Variants in TFB1M observed in about 807,000 individuals in gnomAD.
TFB1M encodes dimethyladenosine transferase 1, mitochondrial.
Under a neutral mutation model 31.1 loss-of-function variants are expected in TFB1M, and 27 were observed. The observed-to-expected ratio is 0.87, with a 90% CI of 0.64 to 1.20. TFB1M has a LOEUF of 1.20. TFB1M is among the 50% of genes most tolerant of loss of function. The probability of loss-of-function intolerance (pLI) is 0.00; values close to 1 mark genes in which losing one functional copy is unlikely to be tolerated. For missense variants in TFB1M, 394 were observed against 418.7 expected, an observed-to-expected ratio of 0.94 and a Z score of 0.51; for synonymous variants, 166 against 151.8, an observed-to-expected ratio of 1.09 and a Z score of -0.69.
At chr6:155,301,853 T>G (rs1562421783) in intron 2 of TFB1M, among the ~76,000 whole-genome samples, 1 of 152,248 alleles carries the variant, frequency 6.6e-6, no homozygotes, top group Non-Finnish European at 1.5e-5. Context: ...ATTTTTGCTT[T>G]TCAATAGTAG....
intron 5 of TFB1M, among the ~76,000 whole-genome samples, chr6:155,269,324 CTT>C (rs60162262): frequency 5.5e-5 from 7 of 127,250 alleles, no homozygotes; most frequent in Non-Finnish European, 6.4e-5. Flanking sequence ...CTTTTCTTTT[CTT>C]TTTTTTTTTT....
At chr6:155,307,114 G>A (rs2114808704) in intron 2 of TFB1M, among the ~76,000 whole-genome samples, 1 of 148,442 alleles carries the variant, frequency 6.7e-6, no homozygotes, top group Non-Finnish European at 1.5e-5. Context: ...GGGTGACAGA[G>A]TGAGACCATG....
chr6:155,304,165 C>A (rs1777559864), intron 2 of TFB1M, among the ~76,000 whole-genome samples: 1 of 152,100 alleles, frequency 6.6e-6, no homozygotes, highest in Non-Finnish European at 1.5e-5. Flanking sequence ...GCCTGTAATT[C>A]CAGCTACTCG....
At chr6:155,254,820 T>C, downstream of TFB1M, 1 of 460,640 alleles carries the variant, frequency 2.2e-6, no homozygotes, top group Non-Finnish European at 4.0e-6. Flanking sequence ...TTTTGTTTCT[T>C]CCACTAAGAT....
intron 4 of TFB1M, among the ~76,000 whole-genome samples, chr6:155,290,324 T>G (rs1173392024): frequency 1.4e-5 from 2 of 142,358 alleles, no homozygotes; most frequent in African/African-American, 2.6e-5. Context: ...AGGCGGGGCT[T>G]GCAGCGAGCC....
At chr6:155,248,134 G>A in the TFB1M span, 2 of 1,614,046 alleles carry the variant, frequency 1.2e-6, no homozygotes, top group African/African-American at 1.3e-5. Flanking sequence ...CAAGGAGCTG[G>A]TGTCCCTGAC....
At chr6:155,250,457 G>T in the TFB1M span, 1 of 1,176,252 alleles carries the variant, frequency 8.5e-7, no homozygotes, top group South Asian at 1.4e-5. Flanking sequence ...CATAGTTTAG[G>T]GAGAAAATGG....
At chr6:155,258,610 T>C (rs1473883689) in intron 6 of TFB1M, among the ~76,000 whole-genome samples, 1 of 152,220 alleles carries the variant, frequency 6.6e-6, no homozygotes, top group Non-Finnish European at 1.5e-5. Context: ...AAAACTGATT[T>C]GAAGTAGAGG....
At chr6:155,277,492 A>G (rs1407163740) in intron 5 of TFB1M, among the ~76,000 whole-genome samples, 1 of 151,590 alleles carries the variant, frequency 6.6e-6, no homozygotes, top group Non-Finnish European at 1.5e-5. Flanking sequence ...GGTAAAGGGG[A>G]AAAAAGATTA....
chr6:155,314,232 C>A (rs1247231564), intron 1 of TFB1M, 64 bp downstream of exon 1: 3 of 1,591,410 alleles, frequency 1.9e-6, no homozygotes, highest in East Asian at 2.3e-5. Context: ...ACGTGCAAGA[C>A]CCCCCGGCCC....
At chr6:155,254,279 G>A, downstream of TFB1M, 5 of 1,134,108 alleles carry the variant, frequency 4.4e-6, no homozygotes, top group Non-Finnish European at 6.3e-6. Context: ...CTGTACGGGA[G>A]GCCACATGGC....
the TFB1M span, among the ~76,000 whole-genome samples, chr6:155,231,662 C>T: frequency 1.3e-5 from 2 of 152,220 alleles, no homozygotes; most frequent in African/African-American, 4.8e-5. Context: ...AGAGTTCAGC[C>T]CTGAAATCCT....
intron 4 of TFB1M, among the ~76,000 whole-genome samples, chr6:155,290,975 C>G (rs186806097): frequency 1.8e-3 from 273 of 152,280 alleles, no homozygotes; most frequent in African/African-American, 6.1e-3. Flanking sequence ...CAAGATGGGG[C>G]TGGTCACTGA....
At chr6:155,289,253 A>G (rs1173962758) in intron 4 of TFB1M, among the ~76,000 whole-genome samples, 1 of 125,728 alleles carries the variant, frequency 8.0e-6, no homozygotes, top group Non-Finnish European at 1.9e-5. Context: ...ATGGTGGGAG[A>G]AAAAGAGGCT....
In TFB1M at chr6:155,314,417, G is replaced by A. The variant is rs150344971; in HGVS notation, c.12C>T (p.Ser4=). 279 of 1,614,164 alleles carry A rather than the reference G, an allele frequency of 1.7e-4. No individual in the cohort carries two copies. Among genetic ancestry groups the A allele is most frequent in the Admixed American group, 4.0e-4 (24 of 60,032 alleles). The change falls in exon 1 of 7, where the codon TCC becomes TCT. Residue 4 remains serine (S), a synonymous_variant. Transcript: ENST00000367166. ...GGAGACGGCAAGTGCTGAGTTTTCC[G>A]GAGGCAGCCATGATACGCGGCAAGC... MAA[S]GKLSTCRLPP...
intron 5 of TFB1M, chr6:155,275,998 G>A: frequency 6.2e-7 from 1 of 1,614,140 alleles, no homozygotes; most frequent in East Asian, 2.2e-5. Flanking sequence ...TGTCTGCTTT[G>A]GGGATCTGCA....
the TFB1M span, chr6:155,240,797 C>A: frequency 7.3e-7 from 1 of 1,366,006 alleles, no homozygotes; most frequent in Non-Finnish European, 9.8e-7. Context: ...CACCTCTGCC[C>A]AGGACACCTG....
At chr6:155,248,937 C>T in the TFB1M span, among the ~76,000 whole-genome samples, 1 of 152,086 alleles carries the variant, frequency 6.6e-6, no homozygotes, top group Admixed American at 6.6e-5. Context: ...ATTAAACTGG[C>T]TTTTTTTCCA....
chr6:155,310,740 A>C (rs1777980291), intron 2 of TFB1M: 1 of 169,418 alleles, frequency 5.9e-6, no homozygotes, highest in Non-Finnish European at 1.3e-5. Context: ...TTAGTCTCTC[A>C]TGATGACAAA....
Sources: allele counts gnomAD v4.1 joint callset (sites outside exome capture counted in the v4.1 genomes callset), GRCh38; gene constraint gnomAD v4.1.1; transcripts MANE v1.5; gene names NCBI Gene and HGNC (gene_info 2026-07-23, HGNC 2026-07-21).